ZMYND19: variants seen among roughly 807,000 people sequenced by gnomAD.
ZMYND19 encodes zinc finger MYND domain-containing protein 19.
Under a neutral mutation model 32.0 loss-of-function variants are expected in ZMYND19, and 17 were observed. The observed-to-expected ratio is 0.53, with a 90% CI of 0.36 to 0.80. The LOEUF (loss-of-function observed/expected upper bound fraction) is 0.80. ZMYND19 is among the 30% of genes least tolerant of loss of function. ZMYND19 has a pLI of 0.00. For synonymous variants in ZMYND19, 124 were observed against 113.6 expected (o/e 1.09, Z -0.58); for missense variants, 250 against 293.6 (o/e 0.85, Z 1.09).
rs997466099 is a variant in ZMYND19, at chr9:137,589,768, C to T, written c.51+445G>A. The T allele has an allele frequency of 4.1e-6, 4 of 985,370 alleles. No homozygotes were observed. The African/African-American group carries it at 7.0e-5, about 17-fold the overall frequency. The allele number at this position is 985,370 out of a possible 1,614,324, so 61.0% of individuals were successfully genotyped here. ...GGCACAGAAGAGCCCACACCAGACC[C>T]GCCTCGGCGAGAGGTGTGGAAGTGG... On this transcript the variant is annotated intron_variant, in intron 1 of 5. Coordinates refer to ENST00000298585, the MANE Select transcript of ZMYND19 (RefSeq NM_138462.3).
At position 137,583,086 on chromosome 9, in the gene ZMYND19, A is replaced by G. The variant is rs765047419; in HGVS notation, c.437T>C (p.Val146Ala). 1.2e-6 allele frequency: 2 copies of G among 1,614,166 alleles called. No individual in the cohort carries two copies. The highest frequency in any genetic ancestry group is 1.7e-5 in the Admixed American group (1 of 60,026). The change falls in exon 5 of 6, where the codon GTG becomes GCG. Residue 146 changes from valine to alanine, a missense_variant. Val to Ala is a moderately conservative substitution (Grantham distance 64, BLOSUM62 0). This residue lies in a region of ZMYND19 where 212 missense variants were observed against 218.8 expected (regional missense o/e 0.97). Coordinates refer to ENST00000298585, the MANE Select transcript of ZMYND19 (RefSeq NM_138462.3). ...PIEEQFPVLN[V>A]TRYYNANGDV... ...CCCGTTGGCATTATAATACCGGGTCACATTTAGGACAGGAAACTGTTCTTC... is the reference window on the plus strand; with the variant it reads ...CCCGTTGGCATTATAATACCGGGTCGCATTTAGGACAGGAAACTGTTCTTC...
intron 4 of ZMYND19, among the ~76,000 whole-genome samples, chr9:137,583,510 C>G (rs896149662): frequency 2.0e-5 from 3 of 152,198 alleles, no homozygotes; most frequent in Non-Finnish European, 2.9e-5. Flanking sequence ...ATTACTGCCC[C>G]GTCGGTCCAC....
At position 137,590,235 on chromosome 9, in the gene ZMYND19, CG is replaced by C; in HGVS notation, c.28del (p.Arg10GlyfsTer13). ...CACCTTCCCGGCCACCCGGCCGAGC[CG>C]CACGATACCCAATTTGAAGTCGGTC... is the stretch of plus-strand genomic sequence containing the variant. MTDFKLGIV[R>X]LGRVAGKTKY... is the part of the protein sequence containing the mutation. On this transcript the variant is annotated frameshift_variant, in exon 1 of 6. Transcript: ENST00000298585. LOFTEE classifies it high-confidence loss of function. This position sits in a 1 kb window ranked among gnomAD's most constrained non-coding sequence, Gnocchi z 4.2. 8.7e-7 allele frequency: 1 copy of C among 1,151,250 alleles called. No homozygotes were observed. The allele number at this position is 1,151,250 out of a possible 1,614,324, so 71.3% of individuals were successfully genotyped here. A position where few individuals can be genotyped will look rare whatever the true frequency, so the allele number is the denominator to read the frequency against.
chr9:137,589,846 C>G (rs1842250488), intron 1 of ZMYND19: 3 of 985,350 alleles, frequency 3.0e-6, no homozygotes, highest in Admixed American at 6.1e-5. Context: ...ACTGGCAGCC[C>G]GGACGCCGCG....
chr9:137,587,517 A>G, intron 3 of ZMYND19, 200 bp downstream of exon 3: 1 of 616,050 alleles, frequency 1.6e-6, no homozygotes, highest in Non-Finnish European at 2.9e-6. Flanking sequence ...CTCCCAGCAG[A>G]AAGTCCACTT....
chr9:137,587,605 A>G lies in ZMYND19; in HGVS notation c.218+112T>C, dbSNP rs937147592. ...GGACACAAAAATAACTGCGAGATTC[A>G]GGGAAGGCAAGGCAGGGCTTCAGCG... On this transcript the variant is annotated intron_variant, in intron 3 of 5. Coordinates refer to ENST00000298585, the MANE Select transcript of ZMYND19 (RefSeq NM_138462.3). The G allele has an allele frequency of 6.8e-6, 6 of 883,938 alleles. No homozygotes were observed. In the African/African-American group the frequency reaches 1.0e-4, roughly 15 times the overall value. The allele number at this position is 883,938 out of a possible 1,614,324, so 54.8% of individuals were successfully genotyped here.
chr9:137,587,096 C>G lies in ZMYND19; in HGVS notation c.230G>C (p.Arg77Pro). The change falls in exon 4 of 6, where the codon CGG becomes CCG. Residue 77 changes from arginine (R) to proline (P), a missense_variant. By Grantham distance (103) the Arg-to-Pro change is moderately radical. This residue lies in a region of ZMYND19 where 212 missense variants were observed against 218.8 expected (regional missense o/e 0.97). Coordinates refer to ENST00000298585, the MANE Select transcript of ZMYND19 (RefSeq NM_138462.3). Reference protein sequence around the residue: ...LLHELLWERHRGGVAPGFQVV... With the variant: ...LLHELLWERHPGGVAPGFQVV... ...CTGGAAGCCCGGGGCCACGCCCCCC[C>G]GGTGCCGCTCCCTAGAAACAGACAG... 1.9e-6 allele frequency: 3 copies of G among 1,605,618 alleles called. No homozygotes were observed. Among genetic ancestry groups the G allele is most frequent in the Non-Finnish European group, 1.7e-6 (2 of 1,179,960 alleles).
At chr9:137,583,856 A>G (rs1427797787) in intron 4 of ZMYND19, among the ~76,000 whole-genome samples, 1 of 152,232 alleles carries the variant, frequency 6.6e-6, no homozygotes, top group Non-Finnish European at 1.5e-5. Flanking sequence ...GAACAGGAAA[A>G]CACCCCTTTG....
intron 1 of ZMYND19, chr9:137,589,964 T>A (rs1320455436): frequency 5.1e-5 from 50 of 984,892 alleles, no homozygotes; most frequent in Middle Eastern, 5.2e-4. Context: ...GGCCTCCACC[T>A]CCGGCAGGGC....
chr9:137,585,978 G>C (rs367760268), intron 4 of ZMYND19, among the ~76,000 whole-genome samples: 4 of 152,220 alleles, frequency 2.6e-5, no homozygotes, highest in Admixed American at 6.5e-5. Flanking sequence ...TGTGTGGCTG[G>C]GGACTCCCTG....
In ZMYND19 at chr9:137,590,437, C is replaced by T. The variant is rs1369243132; in HGVS notation, c.-174G>A. On this transcript the variant is annotated 5_prime_UTR_variant, in exon 1 of 6. Coordinates refer to ENST00000298585, the MANE Select transcript of ZMYND19 (RefSeq NM_138462.3). The surrounding 1 kb of genome is among the most constrained non-coding windows in gnomAD (Gnocchi z 4.2). ...GGCCGGGCTCGGGCCTCCGCCGCCGCCTCGCGCCCGCCGGACCTGCCACGC... is the reference window on the plus strand; with the variant it reads ...GGCCGGGCTCGGGCCTCCGCCGCCGTCTCGCGCCCGCCGGACCTGCCACGC... 4 of 230,948 alleles carry T rather than the reference C, an allele frequency of 1.7e-5. No individual in the cohort carries two copies. Among genetic ancestry groups the T allele is most frequent in the Non-Finnish European group, 2.8e-5 (4 of 142,812 alleles). The allele number at this position is 230,948 out of a possible 1,614,324, so 14.3% of individuals were successfully genotyped here. A position where few individuals can be genotyped will look rare whatever the true frequency, so the allele number is the denominator to read the frequency against.
rs1842166049 is a variant in ZMYND19 at position 137,583,098 on chromosome 9, G to A, written c.425C>T (p.Pro142Leu). The A allele has an allele frequency of 6.2e-7, 1 of 1,614,194 alleles. No individual in the cohort carries two copies. ...ATAATACCGGGTCACATTTAGGACA[G>A]GAAACTGTTCTTCTATAGGGTCTGT... The part of the protein sequence containing the change: ...LPTDPIEEQF[P>L]VLNVTRYYNA... Residue 142 changes from proline (P) to leucine (L), a missense_variant, in exon 5 of 6, where the codon CCT becomes CTT. Around this residue, in one of 2 missense-constraint regions of ZMYND19, gnomAD observed 212 missense variants for 218.8 expected, o/e 0.97. Coordinates refer to ENST00000298585, the MANE Select transcript of ZMYND19 (RefSeq NM_138462.3).
intron 4 of ZMYND19, among the ~76,000 whole-genome samples, chr9:137,585,726 C>T (rs1251118460): frequency 6.6e-6 from 1 of 152,186 alleles, no homozygotes; most frequent in African/African-American, 2.4e-5. Flanking sequence ...ACCAGTGTGT[C>T]AGGTGCTCCC....
In ZMYND19 at chr9:137,588,252, C is replaced by A. The variant is rs370176432; in HGVS notation, c.111+407G>T. 8.5e-5 allele frequency among the ~76,000 whole-genome samples: 13 copies of A among 152,262 alleles called. No homozygotes were observed. The South Asian group carries it at 2.7e-3, about 32-fold the overall frequency. ...AGGAAGACCCCATGAGAGCAGAGAA[C>A]GGGAGGCAGCTGGGCAGCCAGGAGG... On this transcript the variant is annotated intron_variant, in intron 2 of 5. Coordinates refer to ENST00000298585, the MANE Select transcript of ZMYND19 (RefSeq NM_138462.3).
At position 137,590,294 on chromosome 9, in the gene ZMYND19, C is replaced by CG; in HGVS notation, c.-32dup. ...GGCCTGCGCTCTCGGCCGGCAGCGC[C>CG]GCTCCCTCGGGAGGCGCCGAGCGGG... On this transcript the variant is annotated 5_prime_UTR_variant, in exon 1 of 6. Coordinates refer to ENST00000298585, the MANE Select transcript of ZMYND19 (RefSeq NM_138462.3). This position sits in a 1 kb window ranked among gnomAD's most constrained non-coding sequence, Gnocchi z 4.2. The CG allele has an allele frequency of 9.5e-7, 1 of 1,052,424 alleles. No individual in the cohort carries two copies. Among genetic ancestry groups the CG allele is most frequent in the Non-Finnish European group, 1.1e-6 (1 of 872,604 alleles). 65.2% of individuals were successfully genotyped at this position (1,052,424 alleles called of 1,614,324 possible).
rs1842167111 is a variant in ZMYND19 at position 137,583,181 on chromosome 9, A to G, written c.360-18T>C. ...TTTGCTCCCTTAAAGAAAGAAGCAG[A>G]CACTTGAGTGCACTCTGGCCAAACG... is the stretch of plus-strand genomic sequence containing the variant. On this transcript the variant is annotated intron_variant, in intron 4 of 5. Transcript: ENST00000298585. 6.2e-7 allele frequency: 1 copy of G among 1,612,350 alleles called. No individual in the cohort carries two copies. The highest frequency in any genetic ancestry group is 1.1e-5 in the South Asian group (1 of 90,988).
In ZMYND19 at chr9:137,583,001, G is replaced by A; in HGVS notation, c.522C>T (p.Cys174=). 6.2e-7 allele frequency: 1 copy of A among 1,614,172 alleles called. No homozygotes were observed. Among genetic ancestry groups the A allele is most frequent in the Non-Finnish European group, 8.5e-7 (1 of 1,180,028 alleles). Residue 174 remains cysteine (C), a synonymous_variant, in exon 5 of 6, where the codon TGC becomes TGT. Coordinates refer to ENST00000298585, the MANE Select transcript of ZMYND19 (RefSeq NM_138462.3). ...CACCCACCTGCTTCTCAATCACTGT[G>A]CAGGGAGGGTAGTGGCACTCATAGT... ...CTYYECHYPP[C]TVIEKQLREF... is the part of the protein sequence containing the mutation.
In ZMYND19 at chr9:137,587,080, C is replaced by G. The variant is rs371447436; in HGVS notation, c.246G>C (p.Pro82=). The G allele has an allele frequency of 1.2e-6, 2 of 1,608,296 alleles. No individual in the cohort carries two copies. Among genetic ancestry groups the G allele is most frequent in the Admixed American group, 3.3e-5 (2 of 60,030 alleles). Residue 82 remains proline, a synonymous_variant, in exon 4 of 6, where the codon CCG becomes CCC. Transcript: ENST00000298585. ...CGTTGAGGTGCACCACCTGGAAGCC[C>G]GGGGCCACGCCCCCCCGGTGCCGCT... ...LWERHRGGVA[P]GFQVVHLNAV...
At position 137,590,255 on chromosome 9, in the gene ZMYND19, G is replaced by A; in HGVS notation, c.9C>T (p.Asp3=). MT[D]FKLGIVRLGR... ...CGAGCCGCACGATACCCAATTTGAA[G>A]TCGGTCATGGCCGGGCCTGCGCTCT... Residue 3 remains aspartate (D), a synonymous_variant, in exon 1 of 6, where the codon GAC becomes GAT. Coordinates refer to ENST00000298585, the MANE Select transcript of ZMYND19 (RefSeq NM_138462.3). The surrounding 1 kb of genome is among the most constrained non-coding windows in gnomAD (Gnocchi z 4.2). 8.6e-7 allele frequency: 1 copy of A among 1,156,878 alleles called. No homozygotes were observed. Among genetic ancestry groups the A allele is most frequent in the Non-Finnish European group, 1.1e-6 (1 of 923,722 alleles). 71.7% of individuals were successfully genotyped at this position (1,156,878 alleles called of 1,614,324 possible). A position where few individuals can be genotyped will look rare whatever the true frequency, so the allele number is the denominator to read the frequency against.
Sources: gnomAD v4.1 joint callset for allele counts (sites outside exome capture counted in the v4.1 genomes callset) on GRCh38, gnomAD v4.1.1 for gene constraint, gnomAD v4.1.1 regional missense constraint, Gnocchi (gnomAD v3.1) non-coding constraint, MANE v1.5 for transcripts, NCBI Gene and HGNC (gene_info 2026-07-23, HGNC 2026-07-21) for gene names.